LRBA: variants seen among roughly 807,000 people sequenced by gnomAD.
LRBA encodes LPS responsive beige-like anchor protein, also known as lipopolysaccharide-responsive and beige-like anchor protein.
Under a neutral mutation model 330.0 loss-of-function variants are expected in LRBA, and 176 were observed. The observed-to-expected ratio is 0.53, with a 90% confidence interval of 0.47 to 0.60. The LOEUF is 0.60. Among genes scored for constraint, LRBA ranks in the 20% least tolerant of loss-of-function variants. LRBA has a pLI of 0.00. For missense variants in LRBA, 3,259 were observed against 3,444.8 expected, an observed-to-expected ratio of 0.95 and a Z score of 1.35; for synonymous variants, 1,230 against 1,193.0, an observed-to-expected ratio of 1.03 and a Z score of -0.64.
chr4:150,423,856 A>G (rs1227660558), intron 46 of LRBA, among the ~76,000 whole-genome samples: 1 of 152,236 alleles, frequency 6.6e-6, no homozygotes, highest in East Asian at 1.9e-4. Context: ...GCCCGAGAAT[A>G]CAGATCTAAA....
chr4:150,389,173 T>C (rs1195796474), intron 47 of LRBA, among the ~76,000 whole-genome samples: 1 of 152,088 alleles, frequency 6.6e-6, no homozygotes, highest in African/African-American at 2.4e-5. Context: ...GCAGTAAATT[T>C]AGGGCTAGGA....
intron 34 of LRBA, among the ~76,000 whole-genome samples, chr4:150,780,122 A>G (rs1737962039): frequency 1.3e-5 from 2 of 152,176 alleles, no homozygotes; most frequent in Non-Finnish European, 2.9e-5. Context: ...CTGTTTAACC[A>G]TTTGGGGCCT....
At chr4:150,461,406 T>G (rs1052000221) in intron 44 of LRBA, among the ~76,000 whole-genome samples, 2 of 151,796 alleles carry the variant, frequency 1.3e-5, no homozygotes, top group Non-Finnish European at 3.0e-5. Context: ...AGTGATGGTT[T>G]CTTTTTTATG....
intron 28 of LRBA, among the ~76,000 whole-genome samples, 182 bp from the exon 29 acceptor site, chr4:150,832,158 C>T (rs1185048652): frequency 6.6e-6 from 1 of 152,096 alleles, no homozygotes; most frequent in Non-Finnish European, 1.5e-5. Context: ...GGCAAAGACT[C>T]TTAGAAAAAT....
chr4:150,868,359 T>C (rs1386670927), intron 20 of LRBA, 54 bp from the exon 21 acceptor site: 8 of 1,328,806 alleles, frequency 6.0e-6, no homozygotes, highest in Admixed American at 4.1e-5. Flanking sequence ...AAACTCATGA[T>C]AGAAGGTCAT....
chr4:150,940,692 A>C (rs922698126), intron 2 of LRBA, among the ~76,000 whole-genome samples: 3 of 152,014 alleles, frequency 2.0e-5, no homozygotes, highest in Non-Finnish European at 4.4e-5. Flanking sequence ...CCAGTGTTTC[A>C]GTTACCACAT....
intron 34 of LRBA, among the ~76,000 whole-genome samples, chr4:150,794,496 A>C (rs1249748824): frequency 6.6e-6 from 1 of 151,850 alleles, no homozygotes; most frequent in African/African-American, 2.4e-5. Context: ...TCAGGAAAAA[A>C]ATTCAAACAT....
chr4:150,500,931 T>G (rs150498934), intron 40 of LRBA, among the ~76,000 whole-genome samples: 1 of 152,314 alleles, frequency 6.6e-6, no homozygotes, highest in Non-Finnish European at 1.5e-5. Flanking sequence ...AATTAGTACC[T>G]GCCTCCTACT....
chr4:150,545,931 T>C (rs975212481), intron 40 of LRBA, among the ~76,000 whole-genome samples: 8 of 152,102 alleles, frequency 5.3e-5, no homozygotes, highest in Non-Finnish European at 7.4e-5. Flanking sequence ...AGAAAAAGTT[T>C]TTTTTTTTCT....
At chr4:150,751,098 C>G (rs1008529618) in intron 35 of LRBA, among the ~76,000 whole-genome samples, 1 of 151,976 alleles carries the variant, frequency 6.6e-6, no homozygotes, top group Non-Finnish European at 1.5e-5. Flanking sequence ...AACAGCAACA[C>G]CATGGAGCTT....
chr4:150,590,021 A>G (rs1185999195), intron 39 of LRBA, among the ~76,000 whole-genome samples: 2 of 152,222 alleles, frequency 1.3e-5, no homozygotes, highest in Admixed American at 1.3e-4. Flanking sequence ...TTCTCTTAAA[A>G]TTATCAAAAT....
intron 40 of LRBA, among the ~76,000 whole-genome samples, chr4:150,568,958 A>G (rs1769501650): frequency 6.6e-6 from 1 of 152,160 alleles, no homozygotes; most frequent in Non-Finnish European, 1.5e-5. Context: ...AGGCAATCCA[A>G]GATTTATAAA....
intron 40 of LRBA, among the ~76,000 whole-genome samples, chr4:150,571,958 C>T (rs568715583): frequency 1.3e-5 from 2 of 151,666 alleles, no homozygotes; most frequent in African/African-American, 4.8e-5. Flanking sequence ...ATTATCATCT[C>T]TTCGTATTAC....
chr4:150,475,072 A>G (rs1756563093), intron 42 of LRBA, among the ~76,000 whole-genome samples: 1 of 152,184 alleles, frequency 6.6e-6, no homozygotes, highest in Non-Finnish European at 1.5e-5. Context: ...ATACTGGTGC[A>G]TGACATAAAT....
intron 37 of LRBA, among the ~76,000 whole-genome samples, chr4:150,669,691 G>A (rs1295243720): frequency 1.3e-5 from 2 of 151,580 alleles, no homozygotes; most frequent in Non-Finnish European, 2.9e-5. Context: ...TCAGCCTCCC[G>A]AGTAGCTGAG....
intron 40 of LRBA, among the ~76,000 whole-genome samples, chr4:150,559,895 T>TA (rs112865295): frequency 0.065 from 2,779 of 42,830 alleles, 75 homozygotes; most frequent in East Asian, 0.15. Flanking sequence ...TTATATATAA[T>TA]TATATATAAT....
At chr4:150,475,165 A>G (rs953253271) in intron 42 of LRBA, among the ~76,000 whole-genome samples, 2 of 152,126 alleles carry the variant, frequency 1.3e-5, no homozygotes, top group African/African-American at 2.4e-5. Context: ...ATACTGCTGA[A>G]TTTGTTTCCT....
chr4:150,986,011 G>A (rs1401386764), intron 2 of LRBA, among the ~76,000 whole-genome samples: 1 of 151,742 alleles, frequency 6.6e-6, no homozygotes, highest in Non-Finnish European at 1.5e-5. Context: ...GTAGAGATGG[G>A]GGTCTCACTT....
At chr4:150,866,688 G>C (rs1055212142) in intron 22 of LRBA, among the ~76,000 whole-genome samples, 1 of 152,128 alleles carries the variant, frequency 6.6e-6, no homozygotes, top group Non-Finnish European at 1.5e-5. Flanking sequence ...TCTTGAACAA[G>C]CACAAAATGT....
Sources: gnomAD v4.1 joint callset for allele counts (sites outside exome capture counted in the v4.1 genomes callset) on GRCh38, gnomAD v4.1.1 for gene constraint, MANE v1.5 for transcripts, NCBI Gene and HGNC (gene_info 2026-07-23, HGNC 2026-07-21) for gene names.